The following RHOJ variants were observed in gnomAD, a reference collection of about 807,000 sequenced individuals.
RHOJ encodes rho-related GTP-binding protein RhoJ.
RHOJ carries 11 observed loss-of-function variants against 23.4 expected under a neutral mutation model. That is an observed-to-expected ratio of 0.47 (90% CI 0.30 to 0.78). The LOEUF is 0.78. Among genes scored for constraint, RHOJ ranks in the 30% least tolerant of loss-of-function variants. The pLI is 0.08. For missense variants in RHOJ, 254 were observed against 273.4 expected (o/e 0.93, Z 0.50); for synonymous variants, 102 against 102.7 (o/e 0.99, Z 0.04).
intron 3 of RHOJ, 30 bp downstream of exon 3, chr14:63,281,165 C>A: frequency 1.9e-6 from 3 of 1,568,814 alleles, no homozygotes; most frequent in Middle Eastern, 1.8e-4. Context: ...CAGGGTGGAG[C>A]GGGCTGCAAA....
chr14:63,256,730 G>A (rs1000327233), intron 1 of RHOJ, among the ~76,000 whole-genome samples: 4 of 152,150 alleles, frequency 2.6e-5, no homozygotes, highest in African/African-American at 9.7e-5. Context: ...ACGAGGTCGG[G>A]AGTTTAAGAC....
chr14:63,220,969 C>T (rs1266676063), intron 1 of RHOJ, among the ~76,000 whole-genome samples: 13 of 152,058 alleles, frequency 8.5e-5, no homozygotes, highest in Non-Finnish European at 1.9e-4. Context: ...TCTCTTGAGG[C>T]AGTAAGACCC....
chr14:63,213,202 T>C (rs772090332), intron 1 of RHOJ, among the ~76,000 whole-genome samples: 2 of 152,222 alleles, frequency 1.3e-5, no homozygotes, highest in African/African-American at 2.4e-5. Flanking sequence ...TGCATGATGC[T>C]GACATTTAGG....
rs575490705 is a variant in RHOJ at position 63,264,734 on chromosome 14, T to A, written c.179-4376T>A. Among the ~76,000 whole-genome samples the A allele has an allele frequency of 1.3e-4, 20 of 152,354 alleles. No homozygotes were observed. The East Asian group carries it at 3.9e-3, about 29-fold the overall frequency. On this transcript the variant is annotated intron_variant, in intron 1 of 4. Transcript: ENST00000316754. ...AGCCATTCTGACTGGTGTGAGATAGTATTTTACTATAGTTTTGATTTGCAT... is the reference window on the plus strand; with the variant it reads ...AGCCATTCTGACTGGTGTGAGATAGAATTTTACTATAGTTTTGATTTGCAT...
chr14:63,223,157 C>G (rs946689024), intron 1 of RHOJ, among the ~76,000 whole-genome samples: 2 of 152,200 alleles, frequency 1.3e-5, no homozygotes, highest in African/African-American at 2.4e-5. Context: ...CTTGGAGGCA[C>G]TTTCTCCAAG....
At chr14:63,276,090 G>T (rs1218419323) in intron 2 of RHOJ, among the ~76,000 whole-genome samples, 1 of 152,132 alleles carries the variant, frequency 6.6e-6, no homozygotes, top group Non-Finnish European at 1.5e-5. Flanking sequence ...CATAAAACTG[G>T]CTCAGGGGAG....
intron 4 of RHOJ, chr14:63,284,457 CT>C: frequency 1.6e-6 from 1 of 624,650 alleles, no homozygotes; most frequent in Non-Finnish European, 2.0e-6. Context: ...TTGGTCTCAG[CT>C]TACAGATGAG....
chr14:63,226,039 C>T (rs539366029), intron 1 of RHOJ, among the ~76,000 whole-genome samples: 5 of 152,198 alleles, frequency 3.3e-5, no homozygotes, highest in African/African-American at 9.6e-5. Flanking sequence ...GACCCCTTCT[C>T]GTGACCATTC....
At chr14:63,231,862 C>A (rs1167900299) in intron 1 of RHOJ, among the ~76,000 whole-genome samples, 2 of 152,172 alleles carry the variant, frequency 1.3e-5, no homozygotes, top group Non-Finnish European at 2.9e-5. Flanking sequence ...ACTATATTTT[C>A]TTTGGCTATG....
intron 1 of RHOJ, among the ~76,000 whole-genome samples, chr14:63,225,180 TG>T (rs1443025564): frequency 6.6e-6 from 1 of 152,144 alleles, no homozygotes. Context: ...CTCAATCTCC[TG>T]ACCTCGTGAT....
At chr14:63,254,575 G>A (rs1310551026) in intron 1 of RHOJ, among the ~76,000 whole-genome samples, 1 of 152,150 alleles carries the variant, frequency 6.6e-6, no homozygotes, top group African/African-American at 2.4e-5. Context: ...CAGCTATTAA[G>A]CATTTGTAGT....
At chr14:63,232,396 T>C (rs935864178) in intron 1 of RHOJ, among the ~76,000 whole-genome samples, 4 of 152,152 alleles carry the variant, frequency 2.6e-5, no homozygotes, top group Admixed American at 2.6e-4. Context: ...GAGAAAGGTA[T>C]GTTAAGGTAC....
In RHOJ at chr14:63,283,126, T is replaced by C. The variant is rs960382201; in HGVS notation, c.408T>C (p.Asp136=). ...VPYVLIGTQI[D]LRDDPKTLAR... ...CACGTGTGTTTTCTTGCCAGATTGA[T>C]CTCCGTGATGACCCAAAAACCTTGG... Residue 136 remains aspartate, a synonymous_variant, in exon 4 of 5, where the codon GAT becomes GAC. Transcript: ENST00000316754. 6.2e-7 allele frequency: 1 copy of C among 1,613,426 alleles called. No homozygotes were observed. Among genetic ancestry groups the C allele is most frequent in the Non-Finnish European group, 8.5e-7 (1 of 1,179,380 alleles).
chr14:63,207,312 G>A (rs1894134554), intron 1 of RHOJ, among the ~76,000 whole-genome samples: 1 of 152,154 alleles, frequency 6.6e-6, no homozygotes, highest in African/African-American at 2.4e-5. Flanking sequence ...TTACAGGCGT[G>A]AGCCACCGCG....
chr14:63,263,740 C>T (rs1028485234), intron 1 of RHOJ, among the ~76,000 whole-genome samples: 3 of 152,178 alleles, frequency 2.0e-5, no homozygotes, highest in Non-Finnish European at 4.4e-5. Context: ...AAGTCATTCT[C>T]TTTTACTCAT....
At chr14:63,288,314 C>T (rs2139670100) in intron 4 of RHOJ, 1 of 985,446 alleles carries the variant, frequency 1.0e-6, no homozygotes, top group Non-Finnish European at 1.2e-6. Context: ...CTGCAGGACT[C>T]CAGGTGTGAG....
At chr14:63,229,353 G>C (rs1894650023) in intron 1 of RHOJ, among the ~76,000 whole-genome samples, 1 of 152,180 alleles carries the variant, frequency 6.6e-6, no homozygotes. Flanking sequence ...TCATTTATTA[G>C]CTCACAGTTC....
At chr14:63,264,210 T>A (rs553753251) in intron 1 of RHOJ, among the ~76,000 whole-genome samples, 1 of 152,178 alleles carries the variant, frequency 6.6e-6, no homozygotes, top group South Asian at 2.1e-4. Flanking sequence ...CTGTCTATTG[T>A]CGCCATCTTT....
At chr14:63,234,007 G>A (rs574720667) in intron 1 of RHOJ, among the ~76,000 whole-genome samples, 172 of 152,288 alleles carry the variant, frequency 1.1e-3, no homozygotes, top group African/African-American at 4.1e-3. Flanking sequence ...GGATTGGGCC[G>A]CACTGCACTA....
Sources: allele counts gnomAD v4.1 joint callset (sites outside exome capture counted in the v4.1 genomes callset), GRCh38; gene constraint gnomAD v4.1.1; transcripts MANE v1.5; gene names NCBI Gene and HGNC (gene_info 2026-07-23, HGNC 2026-07-21).